The following RGS7 variants were observed in gnomAD, a reference collection of about 807,000 sequenced individuals.
RGS7 encodes regulator of G-protein signaling 7.
A neutral mutation model predicts 81.1 loss-of-function variants in RGS7; 27 were observed. The ratio of observed to expected loss-of-function variants is 0.33; its 90% confidence interval spans 0.25 to 0.46. The LOEUF (loss-of-function observed/expected upper bound fraction) is 0.46. Ranked by LOEUF, RGS7 falls within the 20% of genes least tolerant of loss-of-function variation. The pLI is 1.00. For missense variants in RGS7, 396 were observed against 607.4 expected, an observed-to-expected ratio of 0.65 and a Z score of 3.66; for synonymous variants, 208 against 207.7, an observed-to-expected ratio of 1.00 and a Z score of -0.01.
At chr1:241,274,653 T>A (rs1437812032) in intron 2 of RGS7, among the ~76,000 whole-genome samples, 1 of 152,190 alleles carries the variant, frequency 6.6e-6, no homozygotes, top group African/African-American at 2.4e-5. Context: ...AACAAATTTT[T>A]AATGGAAGAG....
chr1:241,228,646 C>T (rs1002043542), intron 2 of RGS7, among the ~76,000 whole-genome samples: 27 of 152,052 alleles, frequency 1.8e-4, no homozygotes, highest in African/African-American at 6.0e-4. Flanking sequence ...TCCAGATGCA[C>T]AGTTAATAAA....
At chr1:240,976,890 T>A (rs866348380) in intron 4 of RGS7, among the ~76,000 whole-genome samples, 36 of 143,684 alleles carry the variant, frequency 2.5e-4, no homozygotes, top group South Asian at 2.5e-4. Context: ...TATCTCTTTA[T>A]CATCTATCAT....
At chr1:241,254,198 CAA>C (rs57205542) in intron 2 of RGS7, among the ~76,000 whole-genome samples, 17 of 64,342 alleles carry the variant, frequency 2.6e-4, no homozygotes, top group Admixed American at 3.5e-4. Flanking sequence ...GACTCCATCT[CAA>C]AAAAAAAAAA....
At chr1:241,141,478 A>G (rs916118118) in intron 2 of RGS7, among the ~76,000 whole-genome samples, 1 of 152,206 alleles carries the variant, frequency 6.6e-6, no homozygotes, top group African/African-American at 2.4e-5. Context: ...TAATTGATTC[A>G]TGGTTCTGCA....
chr1:241,142,567 T>C (rs1183319746), intron 2 of RGS7, among the ~76,000 whole-genome samples: 1 of 152,204 alleles, frequency 6.6e-6, no homozygotes, highest in East Asian at 1.9e-4. Context: ...CGTTGACCCC[T>C]TTCAGCCATG....
chr1:240,840,817 A>G (rs1657820227), intron 9 of RGS7, among the ~76,000 whole-genome samples: 1 of 152,216 alleles, frequency 6.6e-6, no homozygotes, highest in Non-Finnish European at 1.5e-5. Context: ...CTGGAGTCTG[A>G]AATTTCCTGG....
At chr1:241,253,456 A>T (rs1473020049) in intron 2 of RGS7, among the ~76,000 whole-genome samples, 1 of 152,164 alleles carries the variant, frequency 6.6e-6, no homozygotes, top group Non-Finnish European at 1.5e-5. Flanking sequence ...TCTTTGGAGT[A>T]TTCTGATGAT....
chr1:240,934,016 T>G (rs1676160169), intron 5 of RGS7, among the ~76,000 whole-genome samples: 2 of 152,122 alleles, frequency 1.3e-5, no homozygotes, highest in South Asian at 4.1e-4. Flanking sequence ...CAGGCTGGAG[T>G]GCAGTGGCAC....
chr1:240,959,961 A>G (rs1681081736), intron 4 of RGS7, among the ~76,000 whole-genome samples: 1 of 151,948 alleles, frequency 6.6e-6, no homozygotes, highest in Admixed American at 6.5e-5. Context: ...GGAGTTTGAG[A>G]CCAGCCTGGC....
chr1:240,933,012 T>C (rs1019601257), intron 5 of RGS7, among the ~76,000 whole-genome samples: 1 of 147,178 alleles, frequency 6.8e-6, no homozygotes, highest in African/African-American at 2.5e-5. Context: ...GCCTCCCGAG[T>C]AGCTGGGACT....
intron 1 of RGS7, among the ~76,000 whole-genome samples, chr1:241,356,548 C>A (rs1207573797): frequency 3.3e-5 from 5 of 152,182 alleles, no homozygotes; most frequent in Admixed American, 2.6e-4. Flanking sequence ...GGCCATTTTA[C>A]CCGGGTCACC....
rs1381550940 is a variant in RGS7, at chr1:241,023,786, C to T, written c.176-40657G>A. On this transcript the variant is annotated intron_variant, in intron 3 of 18. Transcript: ENST00000440928. ...TCAAGATGTAGTTTCACTCTTGTTG[C>T]CCAGGCTGCAGTGCAATGGCGCGAT... Among the ~76,000 whole-genome samples the T allele has an allele frequency of 3.3e-5, 5 of 152,174 alleles. No homozygotes were observed. The East Asian group carries it at 9.6e-4, about 29-fold the overall frequency.
intron 1 of RGS7, among the ~76,000 whole-genome samples, 163 bp downstream of exon 1, chr1:241,356,736 G>A (rs1180341247): frequency 2.0e-5 from 3 of 150,056 alleles, no homozygotes; most frequent in African/African-American, 7.3e-5. Context: ...GGACCGCGGG[G>A]TGCGCGCGGC....
chr1:240,809,288 GCTT>G (rs1343784804), intron 14 of RGS7, among the ~76,000 whole-genome samples: 2 of 152,110 alleles, frequency 1.3e-5, no homozygotes, highest in African/African-American at 2.4e-5. Flanking sequence ...GAGAAACAGT[GCTT>G]CTTATTTTTT....
intron 3 of RGS7, among the ~76,000 whole-genome samples, chr1:241,020,581 T>C (rs745678374): frequency 4.5e-4 from 68 of 152,144 alleles, no homozygotes; most frequent in Admixed American, 8.5e-4. Context: ...TCCAAATAGG[T>C]CACATTCACA....
chr1:240,993,078 A>AAG (rs1553378554), intron 3 of RGS7, among the ~76,000 whole-genome samples: 13 of 110,736 alleles, frequency 1.2e-4, no homozygotes, highest in Non-Finnish European at 1.6e-4. Flanking sequence ...GGAAAGAAAC[A>AAG]GAAGGAAGGA....
intron 2 of RGS7, among the ~76,000 whole-genome samples, chr1:241,323,151 AAAAAT>A (rs1292054763): frequency 6.6e-6 from 1 of 152,234 alleles, no homozygotes; most frequent in Non-Finnish European, 1.5e-5. Flanking sequence ...ATTTTCCCTT[AAAAAT>A]AAGAGAGAAA....
At chr1:240,808,694 C>T (rs918182224) in intron 14 of RGS7, among the ~76,000 whole-genome samples, 1 of 152,110 alleles carries the variant, frequency 6.6e-6, no homozygotes, top group Non-Finnish European at 1.5e-5. Flanking sequence ...CTCACCATTA[C>T]TGTAATTATT....
intron 2 of RGS7, among the ~76,000 whole-genome samples, chr1:241,322,263 G>C (rs980072492): frequency 6.6e-6 from 1 of 152,126 alleles, no homozygotes; most frequent in East Asian, 1.9e-4. Flanking sequence ...GCACATACTA[G>C]GTGTACAACA....
Sources: gnomAD v4.1 joint callset for allele counts (sites outside exome capture counted in the v4.1 genomes callset) on GRCh38, gnomAD v4.1.1 for gene constraint, MANE v1.5 for transcripts, NCBI Gene and HGNC (gene_info 2026-07-23, HGNC 2026-07-21) for gene names.